The following THRAP3 variants were observed in gnomAD, a reference collection of about 807,000 sequenced individuals.
THRAP3 encodes the protein thyroid hormone receptor-associated protein 3.
In THRAP3, 16 loss-of-function variants were observed where a neutral mutation model predicts 101.0. The observed-to-expected ratio is 0.16, with a 90% CI of 0.11 to 0.24. THRAP3 has a LOEUF of 0.24. Among genes scored for constraint, THRAP3 ranks in the 10% least tolerant of loss-of-function variants. The pLI is 1.00. For missense variants in THRAP3, 989 were observed against 1,202.7 expected (o/e 0.82, Z 2.63); for synonymous variants, 407 against 422.6 (o/e 0.96, Z 0.45).
At chr1:36,303,488 T>C (rs1646055860) in intron 11 of THRAP3, among the ~76,000 whole-genome samples, 1 of 152,180 alleles carries the variant, frequency 6.6e-6, no homozygotes, top group Non-Finnish European at 1.5e-5. Context: ...ACTTCAGTGC[T>C]CAGTGACGTT....
At position 36,287,096 on chromosome 1, in the gene THRAP3, G is replaced by T. The variant is rs1645806262; in HGVS notation, c.866G>T (p.Ser289Ile). ...STSQMGSTLP[S>I]GAGYQSGTHQ... is the part of the protein sequence containing the mutation. Reference sequence around the variant, plus strand: ...TCCCAGATGGGCTCAACTCTGCCGAGTGGTGCCGGGTATCAGTCTGGGACA... The same window carrying T: ...TCCCAGATGGGCTCAACTCTGCCGATTGGTGCCGGGTATCAGTCTGGGACA... Residue 289 changes from serine to isoleucine, a missense_variant, in exon 4 of 12, where the codon AGT becomes ATT. By Grantham distance (142) the Ser-to-Ile change is moderately radical (BLOSUM62 -2). Transcript: ENST00000354618. 6.2e-7 allele frequency: 1 copy of T among 1,614,152 alleles called. No homozygotes were observed. Among genetic ancestry groups the T allele is most frequent in the Non-Finnish European group, 8.5e-7 (1 of 1,180,026 alleles).
At chr1:36,246,468 A>G (rs1290038354) in intron 1 of THRAP3, among the ~76,000 whole-genome samples, 1 of 152,144 alleles carries the variant, frequency 6.6e-6, no homozygotes, top group Admixed American at 6.6e-5. Context: ...CCTGATCTCA[A>G]GTTATCTCTC....
chr1:36,299,830 C>T (rs924333855), intron 9 of THRAP3, among the ~76,000 whole-genome samples: 2 of 152,108 alleles, frequency 1.3e-5, no homozygotes, highest in Non-Finnish European at 2.9e-5. Context: ...TTTTTGAAAA[C>T]CTCTTGAAAT....
At chr1:36,222,945 G>A (rs72663403), upstream of THRAP3, among the ~76,000 whole-genome samples, 670 of 152,054 alleles carry the variant, frequency 4.4e-3, 1 homozygote, top group Non-Finnish European at 8.0e-3. Context: ...CTTGGCCAAC[G>A]TGGCGAAACC....
chr1:36,285,208 A>C (rs1485640190), intron 3 of THRAP3, among the ~76,000 whole-genome samples: 1 of 152,252 alleles, frequency 6.6e-6, no homozygotes, highest in Non-Finnish European at 1.5e-5. Flanking sequence ...GATATGAGAA[A>C]GCCTGCTGAT....
At chr1:36,287,428 A>G (rs1401951782) in intron 4 of THRAP3, 158 bp downstream of exon 4, 1 of 982,988 alleles carries the variant, frequency 1.0e-6, no homozygotes, top group East Asian at 1.1e-4. Context: ...ACCCAAGGAA[A>G]CCTTTAGGTT....
intron 1 of THRAP3, among the ~76,000 whole-genome samples, chr1:36,257,526 C>A: frequency 6.6e-6 from 1 of 152,146 alleles, no homozygotes; most frequent in Non-Finnish European, 1.5e-5. Context: ...ACAAGTATGC[C>A]TGTGGCTGGC....
chr1:36,259,073 C>T (rs964364745), intron 1 of THRAP3, among the ~76,000 whole-genome samples: 2 of 152,150 alleles, frequency 1.3e-5, no homozygotes, highest in African/African-American at 2.4e-5. Context: ...TTGTCAGGTT[C>T]ACCAGGTTGA....
intron 1 of THRAP3, among the ~76,000 whole-genome samples, chr1:36,256,472 G>A (rs1383816077): frequency 1.3e-5 from 2 of 151,772 alleles, no homozygotes; most frequent in African/African-American, 2.4e-5. Flanking sequence ...TGATCCGCCC[G>A]CCTCGGCCTC....
At chr1:36,228,289 C>T (rs559547388) in intron 1 of THRAP3, among the ~76,000 whole-genome samples, 139 of 152,174 alleles carry the variant, frequency 9.1e-4, no homozygotes, top group Middle Eastern at 6.8e-3. Context: ...ATGGTCTCGG[C>T]TCACTGCTAC....
chr1:36,241,017 T>C (rs1208028225), intron 1 of THRAP3, among the ~76,000 whole-genome samples: 2 of 151,912 alleles, frequency 1.3e-5, no homozygotes, highest in African/African-American at 2.4e-5. Flanking sequence ...CCATCCCGGC[T>C]AACACGGTGA....
intron 11 of THRAP3, among the ~76,000 whole-genome samples, chr1:36,302,197 T>C (rs1557462020): frequency 6.6e-6 from 1 of 152,222 alleles, no homozygotes. Context: ...CTCAGATTAA[T>C]ACTTTTATAG....
intron 2 of THRAP3, among the ~76,000 whole-genome samples, chr1:36,280,814 C>G (rs776782456): frequency 2.0e-5 from 3 of 151,356 alleles, no homozygotes; most frequent in Non-Finnish European, 2.9e-5. Flanking sequence ...CAGGCGTTAA[C>G]CTCTCAGGGC....
At chr1:36,241,400 T>C (rs1475560557) in intron 1 of THRAP3, among the ~76,000 whole-genome samples, 1 of 11,860 alleles carries the variant, frequency 8.4e-5, no homozygotes, top group African/African-American at 1.3e-4. Flanking sequence ...TATATATATA[T>C]ATATATATAT....
chr1:36,210,932 G>C, the THRAP3 span, among the ~76,000 whole-genome samples: 1 of 149,716 alleles, frequency 6.7e-6, no homozygotes, highest in Non-Finnish European at 1.5e-5. Context: ...CTTGAGATGG[G>C]CCAGGTGTGG....
chr1:36,296,007 T>C (rs1222559730), intron 8 of THRAP3, among the ~76,000 whole-genome samples: 1 of 137,288 alleles, frequency 7.3e-6, no homozygotes, highest in African/African-American at 2.8e-5. Context: ...ATAGTCTTGT[T>C]CTATTGGCCA....
At chr1:36,209,111 G>A in the THRAP3 span, among the ~76,000 whole-genome samples, 1 of 150,794 alleles carries the variant, frequency 6.6e-6, no homozygotes, top group Non-Finnish European at 1.5e-5. Flanking sequence ...CAAGTAGCTG[G>A]AACTACAGGC....
chr1:36,299,804 C>T (rs779205684), intron 9 of THRAP3, among the ~76,000 whole-genome samples: 20 of 152,172 alleles, frequency 1.3e-4, no homozygotes, highest in Admixed American at 3.3e-4. Context: ...CCACTACGCC[C>T]GGCCAGAGAC....
rs765267439 is a variant in THRAP3 at position 36,282,684 on chromosome 1, A to G, written c.121A>G (p.Arg41Gly). The G allele has an allele frequency of 6.2e-7, 1 of 1,614,138 alleles. No individual in the cohort carries two copies. The highest frequency in any genetic ancestry group is 8.5e-7 in the Non-Finnish European group (1 of 1,180,024). ...RSRSRSLSRS[R>G]KRRLSSRSRS... ...CCGAAGCCGATCTCTCTCTCGTTCAAGGAAGCGCAGGCTGAGGTAAGGGGG... is the reference window on the plus strand; with the variant it reads ...CCGAAGCCGATCTCTCTCTCGTTCAGGGAAGCGCAGGCTGAGGTAAGGGGG... The change falls in exon 3 of 12, where the codon AGG (arginine) becomes GGG (glycine). Residue 41 changes from arginine (R) to glycine (G), a missense_variant. Physicochemically the swap from Arg to Gly is moderately radical, Grantham distance 125. Transcript: ENST00000354618.
Sources: allele counts gnomAD v4.1 joint callset (sites outside exome capture counted in the v4.1 genomes callset), GRCh38; gene constraint gnomAD v4.1.1; transcripts MANE v1.5; gene names NCBI Gene and HGNC (gene_info 2026-07-23, HGNC 2026-07-21).